Variants in NRXN1 observed in about 807,000 individuals in gnomAD.
NRXN1 encodes neurexin-1.
NRXN1 carries 39 observed loss-of-function variants against 150.9 expected under a neutral mutation model. The ratio of observed to expected loss-of-function variants is 0.26; its 90% CI spans 0.20 to 0.34. The LOEUF (loss-of-function observed/expected upper bound fraction) is 0.34. Ranked by LOEUF, NRXN1 falls within the 10% of genes least tolerant of loss-of-function variation. NRXN1 has a pLI of 1.00. For synonymous variants in NRXN1, 924 were observed against 757.0 expected, an observed-to-expected ratio of 1.22 and a Z score of -3.62; for missense variants, 1,815 against 1,949.9, an observed-to-expected ratio of 0.93 and a Z score of 1.30.
chr2:50,662,584 T>A, intron 5 of NRXN1, among the ~76,000 whole-genome samples: 1 of 151,854 alleles, frequency 6.6e-6, no homozygotes, highest in African/African-American at 2.4e-5. Flanking sequence ...GAGTTTTTTT[T>A]CTTTTGTTTT....
intron 5 of NRXN1, among the ~76,000 whole-genome samples, chr2:50,821,560 A>G (rs1033484406): frequency 1.3e-5 from 2 of 152,194 alleles, no homozygotes; most frequent in Admixed American, 6.5e-5. Context: ...GATGCTTGAC[A>G]TAGAATAAGC....
intron 17 of NRXN1, among the ~76,000 whole-genome samples, chr2:50,373,519 T>G (rs1198539573): frequency 3.3e-5 from 5 of 150,250 alleles, no homozygotes; most frequent in African/African-American, 1.2e-4. Flanking sequence ...CAAAGAAATC[T>G]CTCTTAAATT....
chr2:50,081,653 A>G (rs1697983751), intron 19 of NRXN1, among the ~76,000 whole-genome samples: 1 of 152,236 alleles, frequency 6.6e-6, no homozygotes, highest in South Asian at 2.1e-4. Context: ...ACTTGTTCAT[A>G]GTTGACATTC....
At chr2:50,598,911 C>A (rs1198481185) in intron 8 of NRXN1, among the ~76,000 whole-genome samples, 1 of 151,664 alleles carries the variant, frequency 6.6e-6, no homozygotes, top group Non-Finnish European at 1.5e-5. Flanking sequence ...GTGCCCGCCA[C>A]CACACTTGGC....
At chr2:50,374,290 C>G (rs2080324429) in intron 17 of NRXN1, among the ~76,000 whole-genome samples, 1 of 102,170 alleles carries the variant, frequency 9.8e-6, no homozygotes, top group Non-Finnish European at 2.0e-5. Context: ...GACTCTGTCT[C>G]AAGAAAATAA....
chr2:50,836,257 T>C (rs980220158), intron 5 of NRXN1, among the ~76,000 whole-genome samples: 2 of 152,162 alleles, frequency 1.3e-5, no homozygotes, highest in African/African-American at 2.4e-5. Flanking sequence ...ATGTGTTGTT[T>C]TGATGTATGA....
chr2:50,731,675 T>G (rs959431227), intron 5 of NRXN1, among the ~76,000 whole-genome samples: 15 of 152,204 alleles, frequency 9.9e-5, no homozygotes, highest in African/African-American at 3.6e-4. Flanking sequence ...TGTGTCAGAC[T>G]AAGAGTGAAA....
At chr2:50,192,162 T>G (rs1371072774) in intron 18 of NRXN1, among the ~76,000 whole-genome samples, 1 of 152,196 alleles carries the variant, frequency 6.6e-6, no homozygotes, top group Non-Finnish European at 1.5e-5. Flanking sequence ...TATAAATAAT[T>G]TATTCAATTT....
intron 19 of NRXN1, among the ~76,000 whole-genome samples, chr2:50,088,925 A>T (rs1699175026): frequency 6.6e-6 from 1 of 152,186 alleles, no homozygotes; most frequent in African/African-American, 2.4e-5. Context: ...TGGGGCATAT[A>T]GACATTTTTG....
chr2:50,589,895 A>G (rs1673839889), intron 8 of NRXN1, among the ~76,000 whole-genome samples: 1 of 152,196 alleles, frequency 6.6e-6, no homozygotes, highest in South Asian at 2.1e-4. Flanking sequence ...CACCCTCATT[A>G]GACTGTAAGC....
chr2:50,753,978 A>G (rs772473036), intron 5 of NRXN1, among the ~76,000 whole-genome samples: 9 of 144,726 alleles, frequency 6.2e-5, no homozygotes, highest in African/African-American at 2.0e-4. Flanking sequence ...GGGGGGCGGA[A>G]TTCCCAATGG....
At chr2:50,504,555 A>T (rs2092124344) in intron 13 of NRXN1, among the ~76,000 whole-genome samples, 2 of 152,270 alleles carry the variant, frequency 1.3e-5, no homozygotes, top group South Asian at 4.1e-4. Context: ...ATTTTGAAAT[A>T]ACTTTCTAAA....
chr2:50,356,531 T>C (rs1365259467), intron 17 of NRXN1, among the ~76,000 whole-genome samples: 1 of 152,240 alleles, frequency 6.6e-6, no homozygotes, highest in Non-Finnish European at 1.5e-5. Flanking sequence ...CCTCACATTT[T>C]CTCTGTTCTA....
intron 22 of NRXN1, among the ~76,000 whole-genome samples, chr2:49,939,303 C>T (rs1442355173): frequency 1.3e-5 from 2 of 152,140 alleles, no homozygotes; most frequent in African/African-American, 4.8e-5. Flanking sequence ...ATCTATCTCT[C>T]ATGTGTCTAC....
chr2:50,403,812 G>A (rs2082557226), intron 17 of NRXN1, among the ~76,000 whole-genome samples: 1 of 152,026 alleles, frequency 6.6e-6, no homozygotes. Context: ...CATTAGAAGA[G>A]ATTTTAGAAA....
Position 49,927,018 on chromosome 2 carries a change from C to A in NRXN1, c.4217-4767G>T, listed in dbSNP as rs1669224903. The stretch of plus-strand genomic sequence containing the variant: ...TTGCTCTTCCAGCTCCTGAATTATC[C>A]TTGTAGGGGCCCTCCCCACCCCCAG... On this transcript the variant is annotated intron_variant, in intron 22 of 22. Coordinates refer to ENST00000401669, the MANE Select transcript of NRXN1 (RefSeq NM_001330078.2). 2.0e-5 allele frequency among the ~76,000 whole-genome samples: 3 copies of A among 152,280 alleles called. No homozygotes were observed. In the South Asian group the frequency reaches 6.2e-4, roughly 32 times the overall value.
intron 17 of NRXN1, among the ~76,000 whole-genome samples, chr2:50,408,482 C>T (rs779741545): frequency 1.3e-5 from 2 of 152,206 alleles, no homozygotes; most frequent in Non-Finnish European, 2.9e-5. Flanking sequence ...AACAGTCTGG[C>T]TTTCAGTCAG....
At chr2:50,091,251 A>G (rs1699510938) in intron 19 of NRXN1, 72 bp downstream of exon 19, 1 of 1,550,652 alleles carries the variant, frequency 6.4e-7, no homozygotes. Context: ...GGTGAAACGG[A>G]TGCAAAACAG....
chr2:50,069,700 C>T (rs1269299465), intron 19 of NRXN1, among the ~76,000 whole-genome samples: 4 of 152,066 alleles, frequency 2.6e-5, no homozygotes, highest in African/African-American at 7.2e-5. Flanking sequence ...CTTCTTTCCA[C>T]TTTGTGCTAT....
Sources: gnomAD v4.1 joint callset for allele counts (sites outside exome capture counted in the v4.1 genomes callset) on GRCh38, gnomAD v4.1.1 for gene constraint, MANE v1.5 for transcripts, NCBI Gene and HGNC (gene_info 2026-07-23, HGNC 2026-07-21) for gene names.